TPRG1: variants seen among roughly 807,000 people sequenced by gnomAD.
TPRG1 encodes the protein tumor protein p63-regulated gene 1 protein.
A neutral mutation model predicts 29.3 loss-of-function variants in TPRG1; 29 were observed. The observed-to-expected ratio is 0.99, with a 90% CI of 0.74 to 1.35. The LOEUF (loss-of-function observed/expected upper bound fraction) is 1.35, where lower values mean the gene tolerates loss of function less well. TPRG1 is among the 40% of genes most tolerant of loss of function. The pLI is 0.00. For synonymous variants in TPRG1, 130 were observed against 116.8 expected (o/e 1.11, Z -0.73); for missense variants, 327 against 335.0 (o/e 0.98, Z 0.19).
At chr3:189,101,388 C>A (rs1018226442) in intron 1 of TPRG1, among the ~76,000 whole-genome samples, 2 of 151,440 alleles carry the variant, frequency 1.3e-5, no homozygotes, top group East Asian at 3.8e-4. Flanking sequence ...ATTCTTCCTG[C>A]AATTCAACAT....
intron 4 of TPRG1, among the ~76,000 whole-genome samples, chr3:189,045,082 T>C (rs1560412113): frequency 6.6e-6 from 1 of 152,240 alleles, no homozygotes; most frequent in Non-Finnish European, 1.5e-5. Context: ...GCTGTACCTC[T>C]AGAGAGTTTA....
chr3:189,239,277 C>A (rs1470121918), intron 4 of TPRG1, among the ~76,000 whole-genome samples: 3 of 151,886 alleles, frequency 2.0e-5, no homozygotes, highest in Admixed American at 6.6e-5. Flanking sequence ...AAAGTGGAAA[C>A]CCCTGTTAAA....
chr3:189,105,411 A>C (rs896573987), intron 1 of TPRG1, among the ~76,000 whole-genome samples: 1 of 151,938 alleles, frequency 6.6e-6, no homozygotes. Flanking sequence ...TCTCCACCCT[A>C]CCATATTAGA....
chr3:189,298,899 C>T (rs1374908630), intron 4 of TPRG1, among the ~76,000 whole-genome samples: 1 of 152,112 alleles, frequency 6.6e-6, no homozygotes, highest in African/African-American at 2.4e-5. Flanking sequence ...CTTCTGTACC[C>T]ACCACCCTCT....
At chr3:189,094,469 A>G (rs771652944) in intron 4 of TPRG1, among the ~76,000 whole-genome samples, 2 of 152,132 alleles carry the variant, frequency 1.3e-5, no homozygotes, top group Non-Finnish European at 2.9e-5. Flanking sequence ...AATGCTGACA[A>G]TCCCCGTTAA....
At chr3:189,018,081 G>GT (rs1166619479) in intron 3 of TPRG1, among the ~76,000 whole-genome samples, 1 of 152,064 alleles carries the variant, frequency 6.6e-6, no homozygotes, top group African/African-American at 2.4e-5. Flanking sequence ...GGGGTTGTTT[G>GT]TTTTTTTCTC....
intron 1 of TPRG1, among the ~76,000 whole-genome samples, chr3:189,109,804 C>T (rs1296899849): frequency 6.6e-6 from 1 of 152,166 alleles, no homozygotes; most frequent in African/African-American, 2.4e-5. Flanking sequence ...ATTTCTCTCA[C>T]TCCCCTAAAT....
chr3:189,096,698 T>G (rs1718701951), upstream of TPRG1, among the ~76,000 whole-genome samples: 1 of 152,244 alleles, frequency 6.6e-6, no homozygotes, highest in African/African-American at 2.4e-5. Context: ...AGTTCACATA[T>G]TTTCCAAAAG....
chr3:189,015,093 T>C (rs1281316002), intron 3 of TPRG1, among the ~76,000 whole-genome samples: 1 of 152,170 alleles, frequency 6.6e-6, no homozygotes, highest in African/African-American at 2.4e-5. Flanking sequence ...GTAATAGTGA[T>C]ATGGACAAGA....
intron 3 of TPRG1, among the ~76,000 whole-genome samples, chr3:189,019,771 C>T (rs1453184306): frequency 6.6e-6 from 1 of 150,930 alleles, no homozygotes; most frequent in Non-Finnish European, 1.5e-5. Context: ...AGGATTCCCT[C>T]TTTTTCTATT....
intron 4 of TPRG1, among the ~76,000 whole-genome samples, chr3:189,039,143 T>C (rs1482440287): frequency 6.6e-6 from 1 of 152,238 alleles, no homozygotes; most frequent in Non-Finnish European, 1.5e-5. Flanking sequence ...TACAAGGATA[T>C]AGCTATCTAG....
intron 4 of TPRG1, among the ~76,000 whole-genome samples, chr3:189,264,146 C>T (rs1171047948): frequency 6.6e-6 from 1 of 152,168 alleles, no homozygotes; most frequent in African/African-American, 2.4e-5. Flanking sequence ...TGTTTCCTTT[C>T]TCAGAGCCTC....
chr3:189,033,305 A>G (rs1034993189), intron 4 of TPRG1, among the ~76,000 whole-genome samples: 8 of 151,024 alleles, frequency 5.3e-5, no homozygotes, highest in Non-Finnish European at 1.2e-4. Flanking sequence ...TTCTTGAGGC[A>G]GGATCTCACA....
In TPRG1 at chr3:189,116,322, G is replaced by A. The variant is rs142589969; in HGVS notation, c.-743-10735G>A. On this transcript the variant is annotated intron_variant, in intron 1 of 6. Transcript: ENST00000412373. Reference sequence around the variant, plus strand: ...CTCCTGAGTAGCTGGGATTGCAGGCGTCCACCACCATGCCCGGCTAATTTT... The same window carrying A: ...CTCCTGAGTAGCTGGGATTGCAGGCATCCACCACCATGCCCGGCTAATTTT... Among the ~76,000 whole-genome samples the A allele has an allele frequency of 5.0e-4, 76 of 151,946 alleles. No homozygotes were observed. The South Asian group carries it at 0.011, about 23-fold the overall frequency.
intron 4 of TPRG1, among the ~76,000 whole-genome samples, chr3:189,024,749 A>C (rs986442321): frequency 2.0e-5 from 3 of 152,128 alleles, no homozygotes; most frequent in Non-Finnish European, 4.4e-5. Context: ...TCTGGATGCG[A>C]AGTCCTGCCC....
At chr3:189,169,918 T>A (rs1415240131), upstream of TPRG1, among the ~76,000 whole-genome samples, 1 of 152,170 alleles carries the variant, frequency 6.6e-6, no homozygotes, top group African/African-American at 2.4e-5. Context: ...GTGCCCCTCC[T>A]GGATGTATTA....
At chr3:189,181,814 T>C (rs1730262631) in intron 1 of TPRG1, among the ~76,000 whole-genome samples, 2 of 152,180 alleles carry the variant, frequency 1.3e-5, no homozygotes, top group Non-Finnish European at 2.9e-5. Flanking sequence ...ACCAATTTAC[T>C]GTATTCATCC....
chr3:189,307,921 C>T (rs1461138190), intron 4 of TPRG1, among the ~76,000 whole-genome samples: 1 of 152,180 alleles, frequency 6.6e-6, no homozygotes, highest in Non-Finnish European at 1.5e-5. Flanking sequence ...TAGGATAGTA[C>T]TTGCTGTGAC....
At chr3:189,125,111 C>T (rs933023443) in intron 1 of TPRG1, among the ~76,000 whole-genome samples, 1 of 152,162 alleles carries the variant, frequency 6.6e-6, no homozygotes, top group Non-Finnish European at 1.5e-5. Flanking sequence ...TAGGCAACTA[C>T]ATAAAAAAGT....
Sources: gnomAD v4.1 joint callset for allele counts (sites outside exome capture counted in the v4.1 genomes callset) on GRCh38, gnomAD v4.1.1 for gene constraint, MANE v1.5 for transcripts, NCBI Gene and HGNC (gene_info 2026-07-23, HGNC 2026-07-21) for gene names.